PFKM: variants seen among roughly 807,000 people sequenced by gnomAD.
PFKM encodes ATP-dependent 6-phosphofructokinase, muscle type.
PFKM carries 58 observed loss-of-function variants against 95.5 expected under a neutral mutation model. The observed-to-expected ratio is 0.61, with a 90% CI of 0.49 to 0.76. The LOEUF (loss-of-function observed/expected upper bound fraction) is 0.76. Ranked by LOEUF, PFKM falls within the 30% of genes least tolerant of loss-of-function variation. The pLI is 0.00. For synonymous variants in PFKM, 336 were observed against 357.2 expected (o/e 0.94, Z 0.67); for missense variants, 678 against 1,005.4 (o/e 0.67, Z 4.40).
rs200014415 is a variant in PFKM at position 48,139,819 on chromosome 12, G to C, written c.1128-30G>C. On this transcript the variant is annotated intron_variant, in intron 12 of 22. Transcript: ENST00000359794. ...TGCTGGCTGTGGGGAATGGCCTGAA[G>C]ACACCTCTCTCTATTTGTACTTCCT... 1.3e-5 allele frequency: 20 copies of C among 1,487,068 alleles called. No homozygotes were observed. In the African/African-American group the frequency reaches 2.6e-4, roughly 19 times the overall value. 92.1% of individuals were successfully genotyped at this position (1,487,068 alleles called of 1,614,324 possible).
intron 7 of PFKM, 152 bp downstream of exon 7, chr12:48,134,428 C>T (rs1332752333): frequency 1.2e-5 from 9 of 756,658 alleles, no homozygotes; most frequent in Non-Finnish European, 2.1e-5. Flanking sequence ...TCCATCCCCT[C>T]TGTTACATCC....
intron 15 of PFKM, 97 bp downstream of exon 15, chr12:48,141,478 T>TGAA: frequency 9.4e-7 from 1 of 1,067,274 alleles, no homozygotes; most frequent in Non-Finnish European, 1.5e-6. Context: ...ACCACCCTGT[T>TGAA]GTCTGGGTCC....
At chr12:48,117,536 T>A (rs1947776981), upstream of PFKM, among the ~76,000 whole-genome samples, 1 of 152,264 alleles carries the variant, frequency 6.6e-6, no homozygotes, top group African/African-American at 2.4e-5. Context: ...CTAATAGGTG[T>A]GTAGTGGTGT....
intron 3 of PFKM, 116 bp from the exon 4 acceptor site, chr12:48,131,200 C>T: frequency 2.6e-6 from 2 of 768,678 alleles, no homozygotes; most frequent in Non-Finnish European, 4.8e-6. Context: ...ATCCAGGACT[C>T]ACTAATGGGA....
chr12:48,128,121 A>G (rs1949041254), intron 2 of PFKM, among the ~76,000 whole-genome samples: 1 of 152,118 alleles, frequency 6.6e-6, no homozygotes, highest in Admixed American at 6.5e-5. Context: ...CTCTCCCTCA[A>G]ATTATCCACC....
At chr12:48,131,866 G>T (rs573706509) in intron 4 of PFKM, 234 of 368,800 alleles carry the variant, frequency 6.3e-4, no homozygotes, top group Non-Finnish European at 8.8e-4. Context: ...GTATCCTGAG[G>T]ATTTCCACAG....
upstream of PFKM, chr12:48,119,310 C>T: frequency 1.0e-6 from 1 of 983,578 alleles, no homozygotes; most frequent in Non-Finnish European, 1.2e-6. Context: ...CTCTTTGCCT[C>T]CACCTGGCTC....
chr12:48,112,776 TGGG>T (rs2137616321), intron 3 of PFKM, among the ~76,000 whole-genome samples: 1 of 152,084 alleles, frequency 6.6e-6, no homozygotes, highest in East Asian at 1.9e-4. Flanking sequence ...ATAGGTAAAA[TGGG>T]GGAATTGTAA....
Position 48,142,053 on chromosome 12 carries a change from A to G in PFKM, c.1640A>G (p.Asn547Ser). Reference protein sequence around the residue: ...DFSVGADTALNTICTTCDRIK... With the variant: ...DFSVGADTALSTICTTCDRIK... ...AGCGTTGGGGCTGACACAGCACTCAATACTATCTGCACAGTGAGAGCCTAT... is the reference window on the plus strand; with the variant it reads ...AGCGTTGGGGCTGACACAGCACTCAGTACTATCTGCACAGTGAGAGCCTAT... The change falls in exon 17 of 23, where the codon AAT becomes AGT. Residue 547 changes from asparagine (N) to serine (S), a missense_variant. Physicochemically the swap from Asn to Ser is conservative, Grantham distance 46 (BLOSUM62 1). Transcript: ENST00000359794. 1 of 1,614,164 alleles carries G rather than the reference A, an allele frequency of 6.2e-7. No individual in the cohort carries two copies. The highest frequency in any genetic ancestry group is 8.5e-7 in the Non-Finnish European group (1 of 1,180,000).
chr12:48,121,803 G>T (rs1000791971), intron 1 of PFKM, among the ~76,000 whole-genome samples: 5 of 152,158 alleles, frequency 3.3e-5, no homozygotes, highest in Non-Finnish European at 7.3e-5. Flanking sequence ...AAGATAATAA[G>T]AAGGGAGAAT....
intron 1 of PFKM, among the ~76,000 whole-genome samples, chr12:48,121,493 C>T (rs1000739581): frequency 2.6e-5 from 4 of 152,130 alleles, no homozygotes; most frequent in Non-Finnish European, 1.5e-5. Flanking sequence ...TGTCTCATTG[C>T]ATTATTTTAT....
At chr12:48,139,546 G>T in intron 12 of PFKM, 197 bp downstream of exon 12, 1 of 633,930 alleles carries the variant, frequency 1.6e-6, no homozygotes. Flanking sequence ...GTGGTCCCTG[G>T]CATCAACCTT....
At chr12:48,109,772 G>A (rs1288630678) in intron 3 of PFKM, among the ~76,000 whole-genome samples, 1 of 152,008 alleles carries the variant, frequency 6.6e-6, no homozygotes, top group Non-Finnish European at 1.5e-5. Flanking sequence ...TATTTTCCCA[G>A]CACCAATAAG....
At chr12:48,107,663 C>G (rs1312679473) in intron 2 of PFKM, among the ~76,000 whole-genome samples, 1 of 151,994 alleles carries the variant, frequency 6.6e-6, no homozygotes. Flanking sequence ...GTGATAGATG[C>G]CAGGCAGATA....
chr12:48,125,305 T>G (rs2137936830), intron 2 of PFKM: 1 of 450,830 alleles, frequency 2.2e-6, no homozygotes, highest in Non-Finnish European at 4.5e-6. Context: ...ATGTTTATCT[T>G]TTTGATTTTT....
Position 48,135,123 on chromosome 12 carries a change from C to A in PFKM, c.843+85C>A, listed in dbSNP as rs994018238. ...TGAGTCTCCTGACATTGCTTCTCCC[C>A]TTGGTCCTTCTGCACATCTCTCCCT... On this transcript the variant is annotated intron_variant, in intron 9 of 22. Transcript: ENST00000359794. 1.6e-5 allele frequency: 19 copies of A among 1,171,448 alleles called. No homozygotes were observed. The African/African-American group carries it at 2.9e-4, about 18-fold the overall frequency. 72.6% of individuals were successfully genotyped at this position (1,171,448 alleles called of 1,614,324 possible).
At chr12:48,111,343 C>T (rs1947171381) in intron 3 of PFKM, among the ~76,000 whole-genome samples, 4 of 152,206 alleles carry the variant, frequency 2.6e-5, no homozygotes, top group Admixed American at 2.6e-4. Flanking sequence ...ATCCTCTGTA[C>T]CTTCCTTTGG....
At chr12:48,140,182 G>A (rs569260352) in intron 13 of PFKM, among the ~76,000 whole-genome samples, 2 of 152,348 alleles carry the variant, frequency 1.3e-5, no homozygotes, top group South Asian at 4.1e-4. Flanking sequence ...GAATGGGAAA[G>A]AGGGCTTATG....
At chr12:48,142,327 G>T (rs1260692732) in intron 17 of PFKM, 9 of 487,184 alleles carry the variant, frequency 1.8e-5, no homozygotes, top group Non-Finnish European at 3.4e-5. Flanking sequence ...ACAAAAACTA[G>T]CTGGGTGTGG....
Sources: gnomAD v4.1 joint callset for allele counts (sites outside exome capture counted in the v4.1 genomes callset) on GRCh38, gnomAD v4.1.1 for gene constraint, MANE v1.5 for transcripts, NCBI Gene and HGNC (gene_info 2026-07-23, HGNC 2026-07-21) for gene names.